Variants in ASCC1 observed in about 807,000 individuals in gnomAD.
The protein encoded by ASCC1 is activating signal cointegrator 1 complex subunit 1.
A neutral mutation model predicts 46.6 loss-of-function variants in ASCC1; 35 were observed. The ratio of observed to expected loss-of-function variants is 0.75; its 90% CI spans 0.57 to 0.99. The LOEUF (loss-of-function observed/expected upper bound fraction) is 0.99, where lower values mean the gene tolerates loss of function less well. Among genes scored for constraint, ASCC1 ranks in the 50% least tolerant of loss-of-function variants. ASCC1 has a pLI of 0.00. For synonymous variants in ASCC1, 143 were observed against 146.6 expected (o/e 0.98, Z 0.18); for missense variants, 376 against 428.7 (o/e 0.88, Z 1.09).
intron 4 of ASCC1, among the ~76,000 whole-genome samples, chr10:72,201,890 A>C (rs1856552653): frequency 6.6e-6 from 1 of 151,930 alleles, no homozygotes; most frequent in Non-Finnish European, 1.5e-5. Context: ...CTGAGCTGTG[A>C]TCATGCCACT....
chr10:72,155,226 C>G (rs537613374), intron 6 of ASCC1, among the ~76,000 whole-genome samples: 29 of 152,176 alleles, frequency 1.9e-4, no homozygotes, highest in African/African-American at 6.8e-4. Context: ...CACTGCGTAT[C>G]CTTTGCAACT....
Position 72,213,225 on chromosome 10 carries a change from G to T in ASCC1, c.74C>A (p.Thr25Asn), listed in dbSNP as rs772044250. ...CTCTTCATCTTCTTCATGTTGATAG[G>T]TCTGTTCTTGGACTGGATTCTTCCT... ...NYRKNPVQEQ[T>N]YQHEEDEEDF... is the part of the protein sequence containing the mutation. The change falls in exon 2 of 10, where the codon ACC becomes AAC. Residue 25 changes from threonine (T) to asparagine (N), a missense_variant. Coordinates refer to ENST00000672957, the MANE Select transcript of ASCC1 (RefSeq NM_001198800.3). 6.2e-7 allele frequency: 1 copy of T among 1,613,860 alleles called. No individual in the cohort carries two copies. Among genetic ancestry groups the T allele is most frequent in the Admixed American group, 1.7e-5 (1 of 59,998 alleles).
chr10:72,187,172 G>T (rs193014923), intron 5 of ASCC1, among the ~76,000 whole-genome samples: 1 of 152,016 alleles, frequency 6.6e-6, no homozygotes, highest in African/African-American at 2.4e-5. Context: ...CACTAAGAAC[G>T]AAGTCATCTT....
At chr10:72,203,775 G>A (rs531136018) in intron 3 of ASCC1, among the ~76,000 whole-genome samples, 14 of 152,184 alleles carry the variant, frequency 9.2e-5, no homozygotes, top group South Asian at 6.2e-4. Flanking sequence ...CCCAACACCC[G>A]TTTGCTTCTC....
upstream of ASCC1, chr10:72,216,404 G>A (rs890958093): frequency 8.0e-5 from 15 of 188,386 alleles, no homozygotes; most frequent in Non-Finnish European, 1.6e-4. Context: ...CTAGGAGTTA[G>A]CTTGGGAGCC....
At chr10:72,169,774 A>G (rs530574142) in intron 5 of ASCC1, among the ~76,000 whole-genome samples, 42 of 152,174 alleles carry the variant, frequency 2.8e-4, no homozygotes, top group Admixed American at 7.9e-4. Flanking sequence ...AATAAACCCA[A>G]CTGTATTTTA....
At chr10:72,189,704 A>C (rs886384043) in intron 5 of ASCC1, among the ~76,000 whole-genome samples, 3 of 148,336 alleles carry the variant, frequency 2.0e-5, no homozygotes, top group African/African-American at 7.5e-5. Context: ...TGAGAGGTTG[A>C]GGCAGGAGAA....
At chr10:72,098,967 C>T (rs750505688) in intron 9 of ASCC1, among the ~76,000 whole-genome samples, 6 of 152,200 alleles carry the variant, frequency 3.9e-5, no homozygotes, top group Non-Finnish European at 5.9e-5. Context: ...GTGAAAGACA[C>T]GTCACTAAGA....
At chr10:72,193,937 T>G (rs1480962218) in intron 5 of ASCC1, among the ~76,000 whole-genome samples, 1 of 151,568 alleles carries the variant, frequency 6.6e-6, no homozygotes, top group Non-Finnish European at 1.5e-5. Context: ...CGGATTCACG[T>G]CACTCTCCTG....
At chr10:72,215,956 T>C (rs945713135) in intron 1 of ASCC1, 1 of 152,342 alleles carries the variant, frequency 6.6e-6, no homozygotes, top group African/African-American at 2.4e-5. Flanking sequence ...GCGCGTTCTC[T>C]GCTCCCCTCC....
chr10:72,138,169 C>T (rs1332747796), intron 7 of ASCC1, among the ~76,000 whole-genome samples: 1 of 152,158 alleles, frequency 6.6e-6, no homozygotes, highest in African/African-American at 2.4e-5. Context: ...CTGGCTGAAC[C>T]ATATATTTCT....
intron 8 of ASCC1, among the ~76,000 whole-genome samples, chr10:72,131,114 C>T (rs1406891056): frequency 6.6e-6 from 1 of 152,114 alleles, no homozygotes; most frequent in South Asian, 2.1e-4. Context: ...TACTACTCCC[C>T]GAAGGAAAGA....
chr10:72,145,125 T>G lies in ASCC1; in HGVS notation c.746+7744A>C, dbSNP rs114187125. ...ATATCATTCTGCTGTCTTTGGCTTC[T>G]GTTATTGTTATTGAGAAGTCTGCTG... On this transcript the variant is annotated intron_variant, in intron 7 of 9. Transcript: ENST00000672957. Among the ~76,000 whole-genome samples, 528 of 152,344 alleles carry G rather than the reference T, an allele frequency of 3.5e-3. 4 individuals are homozygous for G. The highest frequency in any genetic ancestry group is 0.012 in the African/African-American group (497 of 41,582).
rs1205247326 is a variant in ASCC1 at position 72,196,905 on chromosome 10, G to T, written c.395C>A (p.Pro132His). 2 of 1,613,528 alleles carry T rather than the reference G, an allele frequency of 1.2e-6. No homozygotes were observed. Among genetic ancestry groups the T allele is most frequent in the Non-Finnish European group, 1.7e-6 (2 of 1,179,998 alleles). The change falls in exon 5 of 10, where the codon CCC becomes CAC. Residue 132 changes from proline to histidine, a missense_variant. Transcript: ENST00000672957. ...VLLDTFRRKQ[P>H]FTHFLAFFLN... ...GAAAAAGGCAAGGAAGTGAGTGAAG[G>T]GCTGCTTTCTTCGAAAAGTGTCCAA... is the stretch of plus-strand genomic sequence containing the variant.
chr10:72,153,698 T>A (rs1015301053), intron 6 of ASCC1, among the ~76,000 whole-genome samples: 1 of 151,874 alleles, frequency 6.6e-6, no homozygotes, highest in Non-Finnish European at 1.5e-5. Flanking sequence ...AGTGCTGGGA[T>A]TACAGGTGTG....
intron 6 of ASCC1, among the ~76,000 whole-genome samples, chr10:72,159,820 C>A (rs1268920565): frequency 2.0e-5 from 3 of 151,794 alleles, no homozygotes; most frequent in African/African-American, 7.3e-5. Flanking sequence ...AGCTTATGAT[C>A]TTGCTCAAGA....
chr10:72,148,891 G>A (rs1398996653), intron 7 of ASCC1, among the ~76,000 whole-genome samples: 1 of 151,960 alleles, frequency 6.6e-6, no homozygotes, highest in Non-Finnish European at 1.5e-5. Context: ...ATTTAGAGTA[G>A]TATGAGATAT....
At chr10:72,161,155 T>C (rs1191286047) in intron 6 of ASCC1, among the ~76,000 whole-genome samples, 1 of 148,276 alleles carries the variant, frequency 6.7e-6, no homozygotes, top group South Asian at 2.1e-4. Flanking sequence ...AATCGTGTTA[T>C]AATGTTTGCA....
chr10:72,216,349 C>G (rs1859319040), upstream of ASCC1: 1 of 170,966 alleles, frequency 5.8e-6, no homozygotes, highest in African/African-American at 2.4e-5. Flanking sequence ...TGGGACAGCG[C>G]CGATGGCGTA....
Sources: gnomAD v4.1 joint callset for allele counts (sites outside exome capture counted in the v4.1 genomes callset) on GRCh38, gnomAD v4.1.1 for gene constraint, MANE v1.5 for transcripts, NCBI Gene and HGNC (gene_info 2026-07-23, HGNC 2026-07-21) for gene names.